The following MECOM variants were observed in gnomAD, a reference collection of about 807,000 sequenced individuals.
The protein encoded by MECOM is histone-lysine N-methyltransferase MECOM.
MECOM carries 13 observed loss-of-function variants against 116.3 expected under a neutral mutation model. The ratio of observed to expected loss-of-function variants is 0.11; its 90% CI spans 0.07 to 0.18. MECOM has a LOEUF of 0.18. Among genes scored for constraint, MECOM ranks in the 10% least tolerant of loss-of-function variants. The pLI is 1.00. For missense variants in MECOM, 1,299 were observed against 1,509.0 expected (o/e 0.86, Z 2.31); for synonymous variants, 528 against 535.2 (o/e 0.99, Z 0.19).
intron 9 of MECOM, among the ~76,000 whole-genome samples, chr3:169,109,020 G>C (rs909280949): frequency 6.6e-6 from 1 of 152,118 alleles, no homozygotes; most frequent in Non-Finnish European, 1.5e-5. Flanking sequence ...AGGAATAATA[G>C]CCACTTTTAC....
intron 1 of MECOM, among the ~76,000 whole-genome samples, chr3:169,452,651 G>A (rs1018542582): frequency 2.0e-5 from 3 of 152,210 alleles, no homozygotes; most frequent in African/African-American, 7.2e-5. Flanking sequence ...GCAGTTCTGC[G>A]CCGGCTTCAG....
intron 14 of MECOM, among the ~76,000 whole-genome samples, chr3:169,092,395 C>T (rs1204957343): frequency 3.3e-5 from 5 of 151,640 alleles, no homozygotes; most frequent in African/African-American, 9.7e-5. Context: ...TAAATGCATA[C>T]ATACATATGT....
At chr3:169,472,517 G>GAA (rs1560317754) in intron 1 of MECOM, among the ~76,000 whole-genome samples, 1 of 90,834 alleles carries the variant, frequency 1.1e-5, no homozygotes, top group Non-Finnish European at 2.1e-5. Context: ...GGAAAGGAAA[G>GAA]GAAAGAAAAG....
At chr3:169,317,796 A>T (rs1337228681) in intron 2 of MECOM, among the ~76,000 whole-genome samples, 2 of 152,228 alleles carry the variant, frequency 1.3e-5, no homozygotes, top group Non-Finnish European at 2.9e-5. Context: ...GTGGAAGCAA[A>T]AAAGAGCCCG....
intron 2 of MECOM, among the ~76,000 whole-genome samples, chr3:169,167,097 C>T (rs1301370718): frequency 6.6e-6 from 1 of 152,126 alleles, no homozygotes; most frequent in East Asian, 1.9e-4. Context: ...ACCTCAGCCT[C>T]CCAAGTAGCC....
chr3:169,430,482 T>C (rs138703116), intron 1 of MECOM, among the ~76,000 whole-genome samples: 1 of 152,304 alleles, frequency 6.6e-6, no homozygotes, highest in East Asian at 1.9e-4. Flanking sequence ...GGAAAACTAA[T>C]AGCTCTCAGG....
At chr3:169,660,767 CG>C (rs1236918035) in intron 1 of MECOM, among the ~76,000 whole-genome samples, 3 of 152,248 alleles carry the variant, frequency 2.0e-5, no homozygotes, top group East Asian at 3.8e-4. Context: ...ACGCGCTACT[CG>C]GGGGAAGGAA....
At chr3:169,206,194 T>C (rs1749894839) in intron 2 of MECOM, among the ~76,000 whole-genome samples, 1 of 152,166 alleles carries the variant, frequency 6.6e-6, no homozygotes, top group African/African-American at 2.4e-5. Context: ...GGTCAAATCT[T>C]ACACATTTTC....
chr3:169,557,834 A>T (rs1285339601), intron 1 of MECOM, among the ~76,000 whole-genome samples: 1 of 152,182 alleles, frequency 6.6e-6, no homozygotes, highest in African/African-American at 2.4e-5. Flanking sequence ...CACCATTATA[A>T]CCATCATGCA....
chr3:169,443,052 A>C (rs1242210861), intron 1 of MECOM, among the ~76,000 whole-genome samples: 8 of 152,214 alleles, frequency 5.3e-5, no homozygotes, highest in Non-Finnish European at 7.3e-5. Flanking sequence ...GCATCAAAAA[A>C]AAAATTCACA....
chr3:169,321,317 G>A (rs1225021051), intron 2 of MECOM, among the ~76,000 whole-genome samples: 1 of 152,170 alleles, frequency 6.6e-6, no homozygotes, highest in Non-Finnish European at 1.5e-5. Context: ...CAAGGCAGGT[G>A]GATCACGAGG....
intron 1 of MECOM, among the ~76,000 whole-genome samples, chr3:169,478,537 G>A (rs546794805): frequency 2.2e-4 from 34 of 152,298 alleles, no homozygotes; most frequent in Non-Finnish European, 4.4e-4. Flanking sequence ...CCCAAGCTAA[G>A]CCAAGATTGA....
At chr3:169,452,524 G>A (rs1012474120) in intron 1 of MECOM, among the ~76,000 whole-genome samples, 6 of 152,036 alleles carry the variant, frequency 3.9e-5, no homozygotes, top group African/African-American at 7.2e-5. Context: ...TCAGTTCTAG[G>A]AATACAAACT....
At chr3:169,228,071 C>T (rs1019895633) in intron 2 of MECOM, among the ~76,000 whole-genome samples, 10 of 152,148 alleles carry the variant, frequency 6.6e-5, no homozygotes, top group Non-Finnish European at 1.3e-4. Flanking sequence ...ACAGACGGAA[C>T]CAACAACAGC....
intron 1 of MECOM, among the ~76,000 whole-genome samples, chr3:169,428,102 C>T (rs1741018872): frequency 6.6e-6 from 1 of 152,048 alleles, no homozygotes; most frequent in South Asian, 2.1e-4. Context: ...ATCGCTTGAA[C>T]CCGAGAGGCA....
Position 169,319,649 on chromosome 3 carries a change from G to A in MECOM, c.375+61538C>T, listed in dbSNP as rs115277999. The stretch of plus-strand genomic sequence containing the variant: ...TAACGGTTGGGAAGAAGAGAGAATT[G>A]TGTAATGGAAAAATAACAGAGTTTA... On this transcript the variant is annotated intron_variant, in intron 2 of 16. Transcript: ENST00000651503. 4.8e-3 allele frequency among the ~76,000 whole-genome samples: 732 copies of A among 152,308 alleles called. 5 individuals are homozygous for A. Among genetic ancestry groups the A allele is most frequent in the African/African-American group, 0.016 (679 of 41,562 alleles).
chr3:169,431,525 G>GA (rs1356666416), intron 1 of MECOM, among the ~76,000 whole-genome samples: 5 of 151,644 alleles, frequency 3.3e-5, no homozygotes, highest in East Asian at 1.9e-4. Context: ...GGTACCACAA[G>GA]AAAAAAAAGC....
intron 1 of MECOM, among the ~76,000 whole-genome samples, chr3:169,576,032 C>T (rs1210735109): frequency 6.6e-6 from 1 of 152,182 alleles, no homozygotes; most frequent in Non-Finnish European, 1.5e-5. Context: ...CAACTTTCCA[C>T]ATTAGATTTC....
intron 1 of MECOM, among the ~76,000 whole-genome samples, chr3:169,612,725 C>T (rs1209877130): frequency 6.6e-6 from 1 of 152,096 alleles, no homozygotes; most frequent in Non-Finnish European, 1.5e-5. Flanking sequence ...AACATAGAAC[C>T]CACAAATTCT....
Sources: gnomAD v4.1 joint callset for allele counts (sites outside exome capture counted in the v4.1 genomes callset) on GRCh38, gnomAD v4.1.1 for gene constraint, MANE v1.5 for transcripts, NCBI Gene and HGNC (gene_info 2026-07-23, HGNC 2026-07-21) for gene names.